SLC16A12: variants seen among roughly 807,000 people sequenced by gnomAD.
The protein encoded by SLC16A12 is monocarboxylate transporter 12.
Under a neutral mutation model 42.4 loss-of-function variants are expected in SLC16A12, and 17 were observed. The observed-to-expected ratio is 0.40, with a 90% CI of 0.27 to 0.60. The LOEUF (loss-of-function observed/expected upper bound fraction) is 0.60, where lower values mean the gene tolerates loss of function less well. Among genes scored for constraint, SLC16A12 ranks in the 20% least tolerant of loss-of-function variants. The pLI is 0.42. For synonymous variants in SLC16A12, 224 were observed against 229.4 expected (o/e 0.98, Z 0.21); for missense variants, 544 against 623.0 (o/e 0.87, Z 1.35).
upstream of SLC16A12, among the ~76,000 whole-genome samples, chr10:89,539,912 T>TCTTTCTTTCTTTC (rs1554833983): frequency 6.0e-5 from 4 of 66,538 alleles, no homozygotes; most frequent in East Asian, 1.1e-3. Context: ...TTTCTTTCTT[T>TCTTTCTTTCTTTC]TTTCTTTTTT....
intron 3 of SLC16A12, among the ~76,000 whole-genome samples, chr10:89,460,748 A>T (rs944898961): frequency 1.3e-5 from 2 of 150,392 alleles, no homozygotes; most frequent in Non-Finnish European, 3.0e-5. Context: ...CTGTCTCAAA[A>T]AAAAAAAAAA....
At chr10:89,462,789 CT>C (rs1842324089) in intron 2 of SLC16A12, 165 bp from the exon 3 acceptor site, 3 of 726,774 alleles carry the variant, frequency 4.1e-6, no homozygotes, top group East Asian at 6.1e-5. Flanking sequence ...TACATGCTTT[CT>C]TTTTTAAAAA....
chr10:89,541,370 G>A (rs902969505), intron 2 of SLC16A12, among the ~76,000 whole-genome samples: 1 of 152,092 alleles, frequency 6.6e-6, no homozygotes, highest in African/African-American at 2.4e-5. Flanking sequence ...TAAGACCAGA[G>A]GATCACTTGA....
intron 2 of SLC16A12, among the ~76,000 whole-genome samples, chr10:89,522,274 AT>A (rs1843369706): frequency 6.6e-6 from 1 of 152,076 alleles, no homozygotes; most frequent in Non-Finnish European, 1.5e-5. Context: ...CCTAACTCTT[AT>A]TGCACCTGGT....
chr10:89,530,999 A>T (rs1043422279), intron 2 of SLC16A12, among the ~76,000 whole-genome samples: 1 of 151,954 alleles, frequency 6.6e-6, no homozygotes, highest in African/African-American at 2.4e-5. Flanking sequence ...GTGTTGATAT[A>T]TTTTTTTTAA....
At chr10:89,445,048 G>A (rs1841976458) in intron 3 of SLC16A12, among the ~76,000 whole-genome samples, 1 of 152,252 alleles carries the variant, frequency 6.6e-6, no homozygotes, top group Non-Finnish European at 1.5e-5. Flanking sequence ...GCTGCGGGAG[G>A]GGCATCTGCC....
chr10:89,481,342 A>AT (rs911732363), intron 2 of SLC16A12, among the ~76,000 whole-genome samples: 6 of 151,482 alleles, frequency 4.0e-5, no homozygotes, highest in South Asian at 4.2e-4. Flanking sequence ...AAGTGTGTAC[A>AT]TTTTTTTTTC....
chr10:89,462,778 G>T, intron 2 of SLC16A12, 154 bp from the exon 3 acceptor site: 2 of 791,138 alleles, frequency 2.5e-6, no homozygotes, highest in Non-Finnish European at 3.7e-6. Flanking sequence ...GTTGTCCTTG[G>T]TACATGCTTT....
At chr10:89,437,769 T>A (rs1283181393) in intron 6 of SLC16A12, among the ~76,000 whole-genome samples, 2 of 152,164 alleles carry the variant, frequency 1.3e-5, no homozygotes, top group Non-Finnish European at 2.9e-5. Context: ...GCAGGTCATA[T>A]CTCAAGTGTG....
chr10:89,446,812 C>A (rs1471575494), intron 3 of SLC16A12, among the ~76,000 whole-genome samples: 2 of 152,062 alleles, frequency 1.3e-5, no homozygotes, highest in Non-Finnish European at 2.9e-5. Flanking sequence ...CACAGACTAG[C>A]CAATTGGATA....
chr10:89,512,757 G>T (rs528791659), intron 2 of SLC16A12, among the ~76,000 whole-genome samples: 6 of 152,164 alleles, frequency 3.9e-5, no homozygotes, highest in Non-Finnish European at 8.8e-5. Flanking sequence ...AAGTAGATTG[G>T]TTTTCTGAGT....
chr10:89,474,449 T>C (rs999791650), intron 2 of SLC16A12, among the ~76,000 whole-genome samples: 1 of 152,160 alleles, frequency 6.6e-6, no homozygotes, highest in Non-Finnish European at 1.5e-5. Context: ...CCTCAAGTCA[T>C]AAGAAATAAA....
chr10:89,441,755 T>G (rs913622670), intron 4 of SLC16A12, among the ~76,000 whole-genome samples: 2 of 152,150 alleles, frequency 1.3e-5, no homozygotes, highest in African/African-American at 4.8e-5. Context: ...CAGCACACCC[T>G]GTGGTTGAGA....
chr10:89,532,128 C>G (rs953154579), intron 2 of SLC16A12, among the ~76,000 whole-genome samples: 3 of 152,166 alleles, frequency 2.0e-5, no homozygotes, highest in Admixed American at 6.5e-5. Context: ...AGTAGAAGTT[C>G]AATAAATATT....
At chr10:89,499,779 A>G (rs1041848323) in intron 2 of SLC16A12, among the ~76,000 whole-genome samples, 4 of 152,140 alleles carry the variant, frequency 2.6e-5, no homozygotes, top group African/African-American at 9.7e-5. Context: ...AACCCAGCAG[A>G]AGAAAGGAAA....
chr10:89,537,958 A>C (rs886710892), upstream of SLC16A12, among the ~76,000 whole-genome samples: 1 of 152,182 alleles, frequency 6.6e-6, no homozygotes, highest in Non-Finnish European at 1.5e-5. Flanking sequence ...CGAGTTCAGT[A>C]ACTGTGGGTT....
intron 4 of SLC16A12, among the ~76,000 whole-genome samples, chr10:89,441,526 G>A (rs144862179): frequency 2.3e-4 from 35 of 152,210 alleles, no homozygotes; most frequent in African/African-American, 7.7e-4. Flanking sequence ...AGGACGGTAG[G>A]GTGTTTTTTA....
At chr10:89,538,606 G>C (rs1409349773), upstream of SLC16A12, among the ~76,000 whole-genome samples, 1 of 152,162 alleles carries the variant, frequency 6.6e-6, no homozygotes, top group Non-Finnish European at 1.5e-5. Flanking sequence ...GTCATAGTCA[G>C]AACTTCATCT....
chr10:89,490,400 C>T (rs551232233), intron 2 of SLC16A12, among the ~76,000 whole-genome samples: 1 of 152,274 alleles, frequency 6.6e-6, no homozygotes, highest in East Asian at 1.9e-4. Flanking sequence ...CACAAGACTG[C>T]CCCACTTCAG....
Sources: gnomAD v4.1 joint callset for allele counts (sites outside exome capture counted in the v4.1 genomes callset) on GRCh38, gnomAD v4.1.1 for gene constraint, MANE v1.5 for transcripts, NCBI Gene and HGNC (gene_info 2026-07-23, HGNC 2026-07-21) for gene names.